FGD4: variants seen among roughly 807,000 people sequenced by gnomAD.
FGD4 encodes the protein FYVE, RhoGEF and PH domain containing 4.
In FGD4, 42 loss-of-function variants were observed where a neutral mutation model predicts 102.0. The ratio of observed to expected loss-of-function variants is 0.41; its 90% CI spans 0.32 to 0.53. FGD4 has a LOEUF of 0.53. Among genes scored for constraint, FGD4 ranks in the 20% least tolerant of loss-of-function variants. FGD4 has a pLI of 0.21. For synonymous variants in FGD4, 380 were observed against 375.7 expected, an observed-to-expected ratio of 1.01 and a Z score of -0.13; for missense variants, 902 against 1,078.2, an observed-to-expected ratio of 0.84 and a Z score of 2.29.
chr12:32,587,864 A>G (rs1273601540), intron 4 of FGD4, among the ~76,000 whole-genome samples: 1 of 152,198 alleles, frequency 6.6e-6, no homozygotes, highest in Non-Finnish European at 1.5e-5. Context: ...ATTTGGAGAT[A>G]TTAATTAAGC....
intron 2 of FGD4, among the ~76,000 whole-genome samples, chr12:32,571,866 G>C (rs1209531285): frequency 6.6e-6 from 1 of 152,140 alleles, no homozygotes; most frequent in Admixed American, 6.5e-5. Context: ...GGAGAGTAGA[G>C]ATGAGCCAAG....
At chr12:32,612,045 A>G (rs1949172873) in intron 10 of FGD4, among the ~76,000 whole-genome samples, 2 of 152,238 alleles carry the variant, frequency 1.3e-5, no homozygotes, top group South Asian at 2.1e-4. Context: ...GTGTGCACAC[A>G]CTTGGGGCAG....
intron 1 of FGD4, among the ~76,000 whole-genome samples, chr12:32,553,151 C>T (rs9739804): frequency 6.6e-6 from 1 of 151,888 alleles, no homozygotes; most frequent in Non-Finnish European, 1.5e-5. Context: ...CAACAAATGG[C>T]CATCCCGAGA....
intron 1 of FGD4, chr12:32,502,114 T>C: frequency 2.0e-6 from 2 of 985,472 alleles, no homozygotes; most frequent in Non-Finnish European, 2.4e-6. Context: ...TTAGGAGGGC[T>C]GGTTACCATG....
chr12:32,595,539 A>T (rs1565884698), intron 4 of FGD4, among the ~76,000 whole-genome samples: 1 of 152,118 alleles, frequency 6.6e-6, no homozygotes, highest in Non-Finnish European at 1.5e-5. Context: ...ATATTTCCTC[A>T]TATCTCATTG....
At chr12:32,549,036 T>C (rs991046904) in intron 1 of FGD4, among the ~76,000 whole-genome samples, 1 of 152,208 alleles carries the variant, frequency 6.6e-6, no homozygotes, top group Admixed American at 6.5e-5. Context: ...TTCCAAGATA[T>C]ACTAGCTCTA....
rs571666837 is a variant in FGD4 at position 32,596,054 on chromosome 12, A to G, written c.1012-2443A>G. ...GTTTAAAATATAGTATTTATACCTA[A>G]GTTAGACACTGGCTTAAAATATACT... On this transcript the variant is annotated intron_variant, in intron 4 of 16. Coordinates refer to ENST00000534526, the MANE Select transcript of FGD4 (RefSeq NM_001370298.3). 5.9e-5 allele frequency among the ~76,000 whole-genome samples: 9 copies of G among 152,370 alleles called. No homozygotes were observed. In the South Asian group the frequency reaches 1.7e-3, roughly 28 times the overall value.
intron 1 of FGD4, among the ~76,000 whole-genome samples, chr12:32,541,386 G>T (rs570444933): frequency 6.6e-6 from 1 of 151,994 alleles, no homozygotes; most frequent in South Asian, 2.1e-4. Flanking sequence ...TGTTTTTTTT[G>T]AGACAGAGTC....
chr12:32,430,231 C>T (rs1304506468), intron 1 of FGD4, among the ~76,000 whole-genome samples: 2 of 151,916 alleles, frequency 1.3e-5, no homozygotes, highest in African/African-American at 4.8e-5. Flanking sequence ...TTGCTTGAAC[C>T]TGGGAGGGGC....
At chr12:32,492,122 A>G (rs944303240) in intron 1 of FGD4, among the ~76,000 whole-genome samples, 2 of 152,176 alleles carry the variant, frequency 1.3e-5, no homozygotes, top group Admixed American at 1.3e-4. Flanking sequence ...GAAACTGTAC[A>G]TCAGCTGAGA....
intron 1 of FGD4, among the ~76,000 whole-genome samples, chr12:32,414,908 G>A (rs1181116774): frequency 6.6e-6 from 1 of 152,104 alleles, no homozygotes; most frequent in East Asian, 1.9e-4. Flanking sequence ...TCTTTTTGAT[G>A]TAGGCCCTCA....
intron 1 of FGD4, among the ~76,000 whole-genome samples, chr12:32,478,827 C>T (rs185982681): frequency 6.6e-6 from 1 of 152,264 alleles, no homozygotes; most frequent in East Asian, 1.9e-4. Context: ...GTGGTTGAGG[C>T]ATGATCACAA....
chr12:32,403,046 TTA>T (rs1284827215), intron 1 of FGD4, among the ~76,000 whole-genome samples: 11 of 152,168 alleles, frequency 7.2e-5, no homozygotes, highest in African/African-American at 2.7e-4. Flanking sequence ...AGGAAAATAT[TTA>T]TATATGAAAA....
At chr12:32,429,176 CTTTGATG>C (rs1392683593) in intron 1 of FGD4, among the ~76,000 whole-genome samples, 1 of 152,168 alleles carries the variant, frequency 6.6e-6, no homozygotes, top group Non-Finnish European at 1.5e-5. Flanking sequence ...TACCTTTGGT[CTTTGATG>C]TTGGTGACCT....
At chr12:32,630,942 C>T (rs1003262789) in intron 14 of FGD4, among the ~76,000 whole-genome samples, 2 of 152,160 alleles carry the variant, frequency 1.3e-5, no homozygotes, top group Admixed American at 6.6e-5. Flanking sequence ...CACACCACTG[C>T]ACTCCAGCCT....
Position 32,613,350 on chromosome 12 carries a change from A to C in FGD4, c.1749+2067A>C, listed in dbSNP as rs921724140. 9.9e-5 allele frequency among the ~76,000 whole-genome samples: 15 copies of C among 152,232 alleles called. 1 individual carries two copies. The highest frequency in any genetic ancestry group is 3.4e-4 in the African/African-American group (14 of 41,464). ...AAGTTCATGGAAAATGCATGTTATG[A>C]AAAAACTATGCGTAGATTTCAAAGC... On this transcript the variant is annotated intron_variant, in intron 10 of 16. Transcript: ENST00000534526.
At chr12:32,540,923 G>A (rs1942771751) in intron 1 of FGD4, among the ~76,000 whole-genome samples, 1 of 152,216 alleles carries the variant, frequency 6.6e-6, no homozygotes, top group Non-Finnish European at 1.5e-5. Flanking sequence ...GAGCCTTGCA[G>A]TTCCATTAAA....
intron 4 of FGD4, among the ~76,000 whole-genome samples, chr12:32,583,371 T>C (rs1488044753): frequency 6.6e-6 from 1 of 152,102 alleles, no homozygotes; most frequent in East Asian, 1.9e-4. Flanking sequence ...AGTTTAGCAA[T>C]TCATTTATAG....
chr12:32,434,184 C>G (rs563871594), intron 1 of FGD4, among the ~76,000 whole-genome samples: 2 of 152,174 alleles, frequency 1.3e-5, no homozygotes, highest in Non-Finnish European at 2.9e-5. Flanking sequence ...AATTGCACAA[C>G]AAGCTGGGCC....
Sources: allele counts gnomAD v4.1 joint callset (sites outside exome capture counted in the v4.1 genomes callset), GRCh38; gene constraint gnomAD v4.1.1; transcripts MANE v1.5; gene names NCBI Gene and HGNC (gene_info 2026-07-23, HGNC 2026-07-21).